Variants in PRSS12 observed in about 807,000 individuals in gnomAD.
PRSS12 encodes serine protease 12, also known as neurotrypsin.
Under a neutral mutation model 104.4 loss-of-function variants are expected in PRSS12, and 85 were observed. The ratio of observed to expected loss-of-function variants is 0.81; its 90% CI spans 0.68 to 0.98. The LOEUF is 0.98. Ranked by LOEUF, PRSS12 falls within the 50% of genes least tolerant of loss-of-function variation. PRSS12 has a pLI of 0.00. For missense variants in PRSS12, 1,141 were observed against 1,139.2 expected, an observed-to-expected ratio of 1.00 and a Z score of -0.02; for synonymous variants, 454 against 425.2, an observed-to-expected ratio of 1.07 and a Z score of -0.83.
At chr4:118,320,891 A>G (rs1278959729) in intron 4 of PRSS12, among the ~76,000 whole-genome samples, 1 of 152,222 alleles carries the variant, frequency 6.6e-6, no homozygotes, top group Non-Finnish European at 1.5e-5. Context: ...AAGAGGAAGG[A>G]TAAAAGAATA....
At position 118,280,089 on chromosome 4, in the gene PRSS12, G is replaced by A. The variant is rs1267893823; in HGVS notation, c.*1847C>T. ...TTACACAAATATGCACAGAACACTT[G>A]TATCTTTCAAAAGTCACACTTAAGA... On this transcript the variant is annotated 3_prime_UTR_variant, in exon 13 of 13. Transcript: ENST00000296498. The A allele has an allele frequency of 7.9e-5, 12 of 152,228 alleles. No individual in the cohort carries two copies. In the South Asian group the frequency reaches 8.3e-4, roughly 10 times the overall value. 9.4% of individuals were successfully genotyped at this position (152,228 alleles called of 1,614,324 possible).
chr4:118,327,445 C>T (rs1311892120), intron 4 of PRSS12, among the ~76,000 whole-genome samples: 2 of 151,924 alleles, frequency 1.3e-5, no homozygotes, highest in African/African-American at 4.8e-5. Flanking sequence ...AGACACCATG[C>T]CTGGCAAAAA....
chr4:118,290,593 T>C (rs1289932490), intron 11 of PRSS12, among the ~76,000 whole-genome samples: 1 of 152,210 alleles, frequency 6.6e-6, no homozygotes, highest in Non-Finnish European at 1.5e-5. Context: ...TTTTAGAGGT[T>C]ATAAAATACT....
chr4:118,335,897 C>T (rs545951687), intron 2 of PRSS12, among the ~76,000 whole-genome samples: 4 of 152,104 alleles, frequency 2.6e-5, no homozygotes, highest in Non-Finnish European at 4.4e-5. Context: ...TGTGCCTTTA[C>T]CACCAATGAC....
intron 4 of PRSS12, among the ~76,000 whole-genome samples, chr4:118,327,847 T>C (rs1441222637): frequency 2.0e-5 from 3 of 152,206 alleles, no homozygotes; most frequent in Non-Finnish European, 4.4e-5. Context: ...AATTTAAGTA[T>C]CTTAAGTATA....
At chr4:118,318,939 T>C (rs1723532457) in intron 4 of PRSS12, among the ~76,000 whole-genome samples, 1 of 152,210 alleles carries the variant, frequency 6.6e-6, no homozygotes, top group South Asian at 2.1e-4. Context: ...AAAACATTTT[T>C]GGTTTATAGT....
intron 8 of PRSS12, among the ~76,000 whole-genome samples, chr4:118,305,292 C>A (rs188908467): frequency 3.3e-5 from 5 of 151,914 alleles, no homozygotes; most frequent in Non-Finnish European, 2.9e-5. Context: ...ATTATGTTAT[C>A]CAATTTGTTA....
chr4:118,312,287 CA>C (rs771960797), intron 7 of PRSS12, among the ~76,000 whole-genome samples: 9 of 151,940 alleles, frequency 5.9e-5, no homozygotes, highest in Non-Finnish European at 8.8e-5. Flanking sequence ...CAGGAGAATA[CA>C]AAGGAGTTGA....
Position 118,318,490 on chromosome 4 carries a change from T to C in PRSS12, c.1038A>G (p.Glu346=). 6.2e-7 allele frequency: 1 copy of C among 1,614,148 alleles called. No individual in the cohort carries two copies. The highest frequency in any genetic ancestry group is 8.5e-7 in the Non-Finnish European group (1 of 1,180,012). ...GEGSGPVMLD[E]VRCTGNELSI... is the part of the protein sequence containing the mutation. ...AAAGCTCATTCCCAGTGCAGCGTAC[T>C]TCATCCAACATAACTGGGCCAGACC... Residue 346 remains glutamate, a synonymous_variant, in exon 5 of 13, where the codon GAA becomes GAG. Coordinates refer to ENST00000296498, the MANE Select transcript of PRSS12 (RefSeq NM_003619.4).
At chr4:118,299,613 G>A (rs2126029238) in intron 8 of PRSS12, among the ~76,000 whole-genome samples, 2 of 151,468 alleles carry the variant, frequency 1.3e-5, no homozygotes, top group East Asian at 3.9e-4. Flanking sequence ...CGAAGAGGCG[G>A]AAGCTGCAGT....
intron 5 of PRSS12, among the ~76,000 whole-genome samples, chr4:118,318,127 A>G (rs758104364): frequency 5.9e-5 from 9 of 152,250 alleles, no homozygotes; most frequent in Middle Eastern, 6.3e-3. Flanking sequence ...GGTACTATAT[A>G]CTGCAACAAA....
intron 4 of PRSS12, among the ~76,000 whole-genome samples, chr4:118,330,155 T>C (rs773004504): frequency 6.6e-6 from 1 of 152,188 alleles, no homozygotes; most frequent in Non-Finnish European, 1.5e-5. Context: ...TTAGGTCCCA[T>C]AGTCAGTTTC....
In PRSS12 at chr4:118,335,471, A is replaced by T. The variant is rs1303333814; in HGVS notation, c.820+2T>A. 1.9e-6 allele frequency: 3 copies of T among 1,609,742 alleles called. No homozygotes were observed. The highest frequency in any genetic ancestry group is 2.5e-6 in the Non-Finnish European group (3 of 1,177,990). ...ACAACAGAACTTTTTTCTTTTTTTTACCATGGGAAAAGCTACACGTGACAG... is the reference window on the plus strand; with the variant it reads ...ACAACAGAACTTTTTTCTTTTTTTTTCCATGGGAAAAGCTACACGTGACAG... On this transcript the variant is annotated splice_donor_variant, in intron 3 of 12. Coordinates refer to ENST00000296498, the MANE Select transcript of PRSS12 (RefSeq NM_003619.4). LOFTEE classifies it high-confidence loss of function.
intron 5 of PRSS12, 64 bp from the exon 6 acceptor site, chr4:118,316,387 T>G: frequency 6.3e-7 from 1 of 1,597,870 alleles, no homozygotes. Flanking sequence ...AAAACAACAT[T>G]TGTATTTCAC....
intron 9 of PRSS12, among the ~76,000 whole-genome samples, chr4:118,296,577 T>C (rs1743260243): frequency 6.6e-6 from 1 of 152,210 alleles, no homozygotes; most frequent in South Asian, 2.1e-4. Context: ...AGGTACTTTG[T>C]TTCTTTGGTT....
Position 118,283,112 on chromosome 4 carries a change from C to G in PRSS12, c.2040-1G>C, listed in dbSNP as rs780630558. On this transcript the variant is annotated splice_acceptor_variant, in intron 11 of 12. Transcript: ENST00000296498. LOFTEE classifies it high-confidence loss of function. ...ATAGCTCCTAGTGCTGTTGCCATAC[C>G]TGAGAGGCAGAGAGTACTAATGAGA... 3.7e-6 allele frequency: 6 copies of G among 1,614,060 alleles called. No homozygotes were observed. Among genetic ancestry groups the G allele is most frequent in the Non-Finnish European group, 5.1e-6 (6 of 1,179,962 alleles).
intron 1 of PRSS12, among the ~76,000 whole-genome samples, chr4:118,339,465 C>A (rs748303189): frequency 1.3e-5 from 2 of 152,184 alleles, no homozygotes; most frequent in Non-Finnish European, 2.9e-5. Flanking sequence ...TTATTTTCCA[C>A]ATCATCATCC....
chr4:118,351,823 CAAGT>C (rs1410647078), intron 1 of PRSS12, among the ~76,000 whole-genome samples: 6 of 152,062 alleles, frequency 3.9e-5, no homozygotes, highest in Admixed American at 3.9e-4. Context: ...CTTTCCAGAA[CAAGT>C]AATTATGCCT....
chr4:118,289,564 C>G (rs751303388), intron 11 of PRSS12, among the ~76,000 whole-genome samples: 3 of 152,172 alleles, frequency 2.0e-5, no homozygotes, highest in Non-Finnish European at 4.4e-5. Context: ...ATTACAGTCT[C>G]TATTTTGCAA....
Sources: allele counts gnomAD v4.1 joint callset (sites outside exome capture counted in the v4.1 genomes callset), GRCh38; gene constraint gnomAD v4.1.1; transcripts MANE v1.5; gene names NCBI Gene and HGNC (gene_info 2026-07-23, HGNC 2026-07-21).